LNPEP: variants seen among roughly 807,000 people sequenced by gnomAD.
LNPEP encodes leucyl and cystinyl aminopeptidase.
LNPEP carries 64 observed loss-of-function variants against 120.6 expected under a neutral mutation model. The observed-to-expected ratio is 0.53, with a 90% CI of 0.43 to 0.65. LNPEP has a LOEUF of 0.65. Ranked by LOEUF, LNPEP falls within the 30% of genes least tolerant of loss-of-function variation. The probability of loss-of-function intolerance (pLI) is 0.00; values close to 1 mark genes in which losing one functional copy is unlikely to be tolerated. For synonymous variants in LNPEP, 435 were observed against 425.4 expected, an observed-to-expected ratio of 1.02 and a Z score of -0.28; for missense variants, 1,057 against 1,200.0, an observed-to-expected ratio of 0.88 and a Z score of 1.76.
chr5:96,996,489 A>G lies in LNPEP; in HGVS notation c.1507A>G (p.Lys503Glu). Residue 503 changes from lysine to glutamate, a missense_variant, in exon 7 of 18, where the codon AAA becomes GAA. Lys to Glu is a moderately conservative substitution (Grantham distance 56, BLOSUM62 1). Transcript: ENST00000231368. The stretch of plus-strand genomic sequence containing the variant: ...GTATTTCTCTTTGGAAAAAATATTC[A>G]AAGAGCTTTCTAGTGTAAGTACAGG... ...MEYFSLEKIF[K>E]ELSSYEDFLD... The G allele has an allele frequency of 6.3e-7, 1 of 1,579,554 alleles. No individual in the cohort carries two copies. The highest frequency in any genetic ancestry group is 8.7e-7 in the Non-Finnish European group (1 of 1,149,546).
At chr5:97,005,131 T>C (rs1341175911) in intron 9 of LNPEP, among the ~76,000 whole-genome samples, 1 of 152,152 alleles carries the variant, frequency 6.6e-6, no homozygotes, top group Non-Finnish European at 1.5e-5. Flanking sequence ...TAAATACAAG[T>C]TTAATTAAAA....
chr5:96,977,595 C>G (rs1181509914), intron 1 of LNPEP, among the ~76,000 whole-genome samples: 1 of 152,038 alleles, frequency 6.6e-6, no homozygotes, highest in Non-Finnish European at 1.5e-5. Context: ...TAACAAGCTG[C>G]AATGTGATGC....
intron 14 of LNPEP, 137 bp from the exon 15 acceptor site, chr5:97,024,384 T>C: frequency 1.4e-6 from 1 of 735,548 alleles, no homozygotes; most frequent in South Asian, 1.8e-5. Context: ...ATTAAACTTT[T>C]TCTCAACCCT....
intron 11 of LNPEP, chr5:97,011,024 T>C (rs1790911984): frequency 1.0e-6 from 1 of 985,424 alleles, no homozygotes; most frequent in Middle Eastern, 5.2e-4. Flanking sequence ...TTCCCAGCTG[T>C]GTCCCTCCTC....
chr5:96,995,113 A>G (rs1166508444), intron 6 of LNPEP, among the ~76,000 whole-genome samples: 3 of 152,306 alleles, frequency 2.0e-5, no homozygotes, highest in Non-Finnish European at 4.4e-5. Context: ...TCTCAAAAAA[A>G]AATAGGTCAT....
At chr5:96,975,050 A>G (rs1789956612) in intron 1 of LNPEP, among the ~76,000 whole-genome samples, 1 of 152,118 alleles carries the variant, frequency 6.6e-6, no homozygotes. Flanking sequence ...TGAGCTCTAA[A>G]CCCACGTAAC....
intron 2 of LNPEP, among the ~76,000 whole-genome samples, chr5:96,984,815 T>A (rs1790203849): frequency 6.6e-6 from 1 of 152,224 alleles, no homozygotes; most frequent in South Asian, 2.1e-4. Flanking sequence ...CTCTTCAGGT[T>A]TTCTGCATGT....
chr5:96,958,891 C>G (rs1165430854), intron 1 of LNPEP: 1 of 146,248 alleles, frequency 6.8e-6, no homozygotes, highest in African/African-American at 2.5e-5. Context: ...TTCACTGGCA[C>G]GATCTCGGCT....
intron 8 of LNPEP, among the ~76,000 whole-genome samples, chr5:97,001,187 G>A (rs929520351): frequency 6.6e-6 from 1 of 152,182 alleles, no homozygotes; most frequent in African/African-American, 2.4e-5. Context: ...ATAGATGGGT[G>A]GCGAGATAAT....
At chr5:97,001,076 A>G (rs1582017971) in intron 8 of LNPEP, among the ~76,000 whole-genome samples, 1 of 152,356 alleles carries the variant, frequency 6.6e-6, no homozygotes, top group East Asian at 1.9e-4. Context: ...ACGAAAAGCA[A>G]TTTGATCAGG....
At chr5:96,969,957 A>C (rs1372064211) in intron 1 of LNPEP, among the ~76,000 whole-genome samples, 1 of 151,478 alleles carries the variant, frequency 6.6e-6, no homozygotes, top group African/African-American at 2.4e-5. Context: ...GATTACTTAA[A>C]GTCTTTTGTT....
chr5:96,984,530 T>C (rs1790197463), intron 2 of LNPEP, among the ~76,000 whole-genome samples: 1 of 152,204 alleles, frequency 6.6e-6, no homozygotes, highest in African/African-American at 2.4e-5. Flanking sequence ...CAATAAAACT[T>C]ATTTAATCCT....
At chr5:96,966,916 A>C (rs558185438) in intron 1 of LNPEP, among the ~76,000 whole-genome samples, 2 of 152,228 alleles carry the variant, frequency 1.3e-5, no homozygotes, top group East Asian at 3.9e-4. Flanking sequence ...AGCACACATT[A>C]GTAGGTAAAT....
chr5:96,962,448 C>T (rs1347161447), intron 1 of LNPEP, among the ~76,000 whole-genome samples: 1 of 152,092 alleles, frequency 6.6e-6, no homozygotes, highest in Non-Finnish European at 1.5e-5. Context: ...ACACTGTGTG[C>T]TAGACTGTGT....
intron 8 of LNPEP, among the ~76,000 whole-genome samples, chr5:96,999,600 A>G (rs1362291234): frequency 6.6e-6 from 1 of 152,134 alleles, no homozygotes; most frequent in Non-Finnish European, 1.5e-5. Flanking sequence ...CCAAACTTAG[A>G]GCAGTTATTT....
At chr5:96,957,151 T>A (rs1480892559) in intron 1 of LNPEP, among the ~76,000 whole-genome samples, 2 of 152,244 alleles carry the variant, frequency 1.3e-5, no homozygotes. Context: ...TTACATTTTC[T>A]TGGTCCTTTG....
At chr5:96,984,590 C>G (rs888365272) in intron 2 of LNPEP, among the ~76,000 whole-genome samples, 3 of 151,918 alleles carry the variant, frequency 2.0e-5, no homozygotes, top group African/African-American at 7.3e-5. Context: ...GCTTTAAGAC[C>G]CAGGCAAAAC....
intron 1 of LNPEP, among the ~76,000 whole-genome samples, chr5:96,963,051 A>G (rs1219007778): frequency 6.6e-6 from 1 of 152,148 alleles, no homozygotes; most frequent in Non-Finnish European, 1.5e-5. Flanking sequence ...TCTGAATACC[A>G]AGTGTTTCAT....
chr5:96,953,279 C>A (rs1434888026), intron 1 of LNPEP, among the ~76,000 whole-genome samples: 1 of 152,160 alleles, frequency 6.6e-6, no homozygotes. Context: ...GAGAGCTTGA[C>A]CCTCGCATTC....
Sources: allele counts gnomAD v4.1 joint callset (sites outside exome capture counted in the v4.1 genomes callset), GRCh38; gene constraint gnomAD v4.1.1; transcripts MANE v1.5; gene names NCBI Gene and HGNC (gene_info 2026-07-23, HGNC 2026-07-21).